The following DTD1 variants were observed in gnomAD, a reference collection of about 807,000 sequenced individuals.
The protein encoded by DTD1 is D-tyrosyl-tRNA deacylase 1 homolog.
DTD1 carries 13 observed loss-of-function variants against 25.6 expected under a neutral mutation model. That is an observed-to-expected ratio of 0.51 (90% CI 0.33 to 0.81). DTD1 has a LOEUF of 0.81. Ranked by LOEUF, DTD1 falls within the 30% of genes least tolerant of loss-of-function variation. DTD1 has a pLI of 0.02. For synonymous variants in DTD1, 110 were observed against 103.6 expected, an observed-to-expected ratio of 1.06 and a Z score of -0.37; for missense variants, 193 against 266.4, an observed-to-expected ratio of 0.72 and a Z score of 1.92.
At chr20:18,724,304 C>A (rs80192302) in intron 4 of DTD1, among the ~76,000 whole-genome samples, 2,075 of 152,256 alleles carry the variant, frequency 0.014, 32 homozygotes, top group African/African-American at 0.02. Context: ...CACATGGGTA[C>A]CTCCCACTGT....
chr20:18,686,143 G>T (rs1347014975), intron 4 of DTD1, among the ~76,000 whole-genome samples: 13 of 152,182 alleles, frequency 8.5e-5, no homozygotes, highest in Admixed American at 8.5e-4. Context: ...AATGACATAT[G>T]ATGTATTTCT....
At chr20:18,609,260 A>T (rs372186746) in intron 3 of DTD1, among the ~76,000 whole-genome samples, 95 of 151,922 alleles carry the variant, frequency 6.3e-4, no homozygotes, top group African/African-American at 2.2e-3. Context: ...CTCCTACCTC[A>T]GCCTCTCAAG....
chr20:18,710,800 TGCCACCAGA>T (rs902381014), intron 4 of DTD1, among the ~76,000 whole-genome samples: 1 of 152,148 alleles, frequency 6.6e-6, no homozygotes, highest in Non-Finnish European at 1.5e-5. Flanking sequence ...TGGATGATAG[TGCCACCAGA>T]GCCACATGCC....
chr20:18,683,799 G>A (rs1209522035), intron 4 of DTD1, among the ~76,000 whole-genome samples: 2 of 152,238 alleles, frequency 1.3e-5, no homozygotes, highest in Admixed American at 1.3e-4. Flanking sequence ...ATTCGAGCAA[G>A]CTGACTGGGC....
At chr20:18,708,836 C>T (rs538207330) in intron 4 of DTD1, among the ~76,000 whole-genome samples, 20 of 152,242 alleles carry the variant, frequency 1.3e-4, no homozygotes, top group Middle Eastern at 3.4e-3. Flanking sequence ...CCACCTGCCC[C>T]CGTGGTGGCA....
At chr20:18,676,043 C>T (rs537407698) in intron 4 of DTD1, among the ~76,000 whole-genome samples, 6 of 152,202 alleles carry the variant, frequency 3.9e-5, no homozygotes, top group East Asian at 1.9e-4. Flanking sequence ...GTTTATTTAG[C>T]GAAATCACTG....
At chr20:18,626,599 A>T (rs12625212) in intron 3 of DTD1, among the ~76,000 whole-genome samples, 23,365 of 151,866 alleles carry the variant, frequency 0.15, 1,905 homozygotes, top group Admixed American at 0.2. Flanking sequence ...TGTTTTTTTT[A>T]AAATGTGTTT....
intron 4 of DTD1, among the ~76,000 whole-genome samples, chr20:18,639,107 A>G (rs1269834045): frequency 6.8e-6 from 1 of 147,424 alleles, no homozygotes; most frequent in Non-Finnish European, 1.5e-5. Context: ...TGCGATGCTC[A>G]CCCCTGGTTT....
chr20:18,748,121 C>G (rs951275627), intron 5 of DTD1, among the ~76,000 whole-genome samples: 1 of 152,068 alleles, frequency 6.6e-6, no homozygotes, highest in Admixed American at 6.6e-5. Context: ...CATACAAGCC[C>G]CTGTCTCCCA....
chr20:18,625,529 A>G (rs1476530177), intron 3 of DTD1, among the ~76,000 whole-genome samples: 1 of 152,170 alleles, frequency 6.6e-6, no homozygotes, highest in Non-Finnish European at 1.5e-5. Context: ...GCAGCCCTGT[A>G]CTTGAGGTCA....
At chr20:18,714,554 G>A (rs2061172571) in intron 4 of DTD1, among the ~76,000 whole-genome samples, 1 of 152,168 alleles carries the variant, frequency 6.6e-6, no homozygotes, top group East Asian at 1.9e-4. Flanking sequence ...TGTGGCTCCT[G>A]TGCACGTAGG....
chr20:18,658,189 ATG>A (rs60197503), intron 4 of DTD1, among the ~76,000 whole-genome samples: 34,098 of 145,996 alleles, frequency 0.23, 4,055 homozygotes, highest in East Asian at 0.4. Context: ...AGAGTCTGAG[ATG>A]TGTGTGTGTG....
intron 4 of DTD1, chr20:18,632,034 CA>C (rs1369040155): frequency 2.4e-6 from 2 of 846,064 alleles, no homozygotes; most frequent in Non-Finnish European, 2.8e-6. Flanking sequence ...GAATTCTCAG[CA>C]CACACAGAAT....
intron 4 of DTD1, among the ~76,000 whole-genome samples, chr20:18,735,897 T>C (rs998338387): frequency 6.6e-6 from 1 of 152,164 alleles, no homozygotes; most frequent in South Asian, 2.1e-4. Context: ...ACTTTTTTGC[T>C]TCTCTGTGGT....
Position 18,764,039 on chromosome 20 carries a change from C to T in DTD1, c.*699C>T, listed in dbSNP as rs1265971227. 1 of 152,132 alleles carries T rather than the reference C, an allele frequency of 6.6e-6. No individual in the cohort carries two copies. Among genetic ancestry groups the T allele is most frequent in the East Asian group, 1.9e-4 (1 of 5,194 alleles). The allele number at this position is 152,132 out of a possible 1,614,324, so 9.4% of individuals were successfully genotyped here. On this transcript the variant is annotated 3_prime_UTR_variant, in exon 6 of 6. Coordinates refer to ENST00000377452, the MANE Select transcript of DTD1 (RefSeq NM_080820.6). Reference sequence around the variant, plus strand: ...CGCAAGAGGGCCTTCTCTAACTGGCCCACACAGGCTCCTGAGTCCAGGTGG... The same window carrying T: ...CGCAAGAGGGCCTTCTCTAACTGGCTCACACAGGCTCCTGAGTCCAGGTGG...
intron 2 of DTD1, among the ~76,000 whole-genome samples, chr20:18,594,962 A>T (rs1453496021): frequency 1.3e-5 from 2 of 152,198 alleles, no homozygotes; most frequent in Non-Finnish European, 2.9e-5. Flanking sequence ...AGAGTCAGTT[A>T]ATTAGTATTT....
At chr20:18,615,936 G>A (rs1040519615) in intron 3 of DTD1, among the ~76,000 whole-genome samples, 3 of 152,194 alleles carry the variant, frequency 2.0e-5, no homozygotes, top group Non-Finnish European at 4.4e-5. Context: ...TTTGTGCTTA[G>A]TACTTGATTT....
chr20:18,651,291 A>G (rs1050030841), intron 4 of DTD1, among the ~76,000 whole-genome samples: 8 of 152,170 alleles, frequency 5.3e-5, no homozygotes, highest in Non-Finnish European at 1.2e-4. Flanking sequence ...AGCTGGGATT[A>G]TAGGCATATG....
At chr20:18,707,237 A>T (rs1398973458) in intron 4 of DTD1, among the ~76,000 whole-genome samples, 1 of 152,264 alleles carries the variant, frequency 6.6e-6, no homozygotes, top group Admixed American at 6.5e-5. Flanking sequence ...CGATAAATAA[A>T]GCACATGATC....
Sources: gnomAD v4.1 joint callset for allele counts (sites outside exome capture counted in the v4.1 genomes callset) on GRCh38, gnomAD v4.1.1 for gene constraint, MANE v1.5 for transcripts, NCBI Gene and HGNC (gene_info 2026-07-23, HGNC 2026-07-21) for gene names.